CYYR1: variants seen among roughly 807,000 people sequenced by gnomAD.
The protein encoded by CYYR1 is cysteine and tyrosine-rich protein 1.
CYYR1 carries 14 observed loss-of-function variants against 15.2 expected under a neutral mutation model. The observed-to-expected ratio is 0.92, with a 90% CI of 0.61 to 1.44. The LOEUF is 1.44. CYYR1 is among the 40% of genes most tolerant of loss of function. CYYR1 has a pLI of 0.00. For synonymous variants in CYYR1, 80 were observed against 77.4 expected, an observed-to-expected ratio of 1.03 and a Z score of -0.18; for missense variants, 228 against 209.5, an observed-to-expected ratio of 1.09 and a Z score of -0.54.
rs117439088 is a variant in CYYR1, at chr21:26,535,933, G to A, written c.176+30333C>T. Reference sequence around the variant, plus strand: ...AAGAGGTGTATTAGTCTGTTTTCACGTTGATATACAGAACAACCTAAGACT... The same window carrying A: ...AAGAGGTGTATTAGTCTGTTTTCACATTGATATACAGAACAACCTAAGACT... On this transcript the variant is annotated intron_variant, in intron 2 of 3. Coordinates refer to ENST00000652641, the MANE Select transcript of CYYR1 (RefSeq NM_001320768.2). Among the ~76,000 whole-genome samples, 1,309 of 152,248 alleles carry A rather than the reference G, an allele frequency of 8.6e-3. 9 individuals are homozygous for A. The highest frequency in any genetic ancestry group is 0.02 in the Middle Eastern group (6 of 294).
intron 2 of CYYR1, among the ~76,000 whole-genome samples, chr21:26,561,316 T>G (rs1442299843): frequency 1.3e-5 from 2 of 151,404 alleles, no homozygotes; most frequent in East Asian, 3.9e-4. Context: ...TTAAATGGTT[T>G]TTTTTTTTTT....
intron 2 of CYYR1, among the ~76,000 whole-genome samples, chr21:26,525,379 A>T (rs531735281): frequency 1.3e-5 from 2 of 152,206 alleles, no homozygotes; most frequent in Admixed American, 6.5e-5. Context: ...AGCTGACCTC[A>T]GCCCCATAAT....
intron 2 of CYYR1, among the ~76,000 whole-genome samples, chr21:26,498,795 C>T (rs148528729): frequency 1.1e-4 from 17 of 152,140 alleles, no homozygotes; most frequent in African/African-American, 3.6e-4. Context: ...CTTCACATGG[C>T]GGCAGGAGAC....
intron 2 of CYYR1, among the ~76,000 whole-genome samples, chr21:26,487,728 CTCTATT>C (rs1276758712): frequency 6.6e-6 from 1 of 151,978 alleles, no homozygotes; most frequent in Non-Finnish European, 1.5e-5. Context: ...TCAGAACTAT[CTCTATT>C]TCTATTTTTA....
At chr21:26,476,581 CTATCATCTATCT>C (rs2065106526) in intron 3 of CYYR1, among the ~76,000 whole-genome samples, 1 of 127,370 alleles carries the variant, frequency 7.9e-6, no homozygotes, top group African/African-American at 3.7e-5. Context: ...TCTACCCTAT[CTATCATCTATCT>C]ATCTATCTAT....
intron 2 of CYYR1, among the ~76,000 whole-genome samples, chr21:26,555,933 G>A (rs1359336343): frequency 6.6e-6 from 1 of 152,096 alleles, no homozygotes; most frequent in African/African-American, 2.4e-5. Context: ...AGTTGCACAG[G>A]AGCCTGTTGT....
At chr21:26,556,530 A>T (rs2123700867) in intron 2 of CYYR1, among the ~76,000 whole-genome samples, 1 of 152,184 alleles carries the variant, frequency 6.6e-6, no homozygotes, top group Admixed American at 6.5e-5. Context: ...GGCTTAATTG[A>T]CTCATGGTTC....
chr21:26,470,695 T>A (rs972797698), intron 3 of CYYR1: 2 of 152,272 alleles, frequency 1.3e-5, no homozygotes, highest in African/African-American at 4.8e-5. Context: ...GACTCGGGTA[T>A]GTCTTTATAG....
At chr21:26,495,484 G>A (rs535823532) in intron 2 of CYYR1, among the ~76,000 whole-genome samples, 1 of 152,256 alleles carries the variant, frequency 6.6e-6, no homozygotes, top group Admixed American at 6.5e-5. Context: ...TTTACTTCCT[G>A]TCACCTCCAA....
intron 2 of CYYR1, among the ~76,000 whole-genome samples, chr21:26,558,981 A>G (rs1980004532): frequency 6.6e-6 from 1 of 152,160 alleles, no homozygotes; most frequent in Non-Finnish European, 1.5e-5. Context: ...TAGGGAATAT[A>G]TCTTGAAGAG....
intron 1 of CYYR1, 128 bp from the exon 2 acceptor site, chr21:26,566,496 C>T: frequency 2.9e-6 from 2 of 689,816 alleles, no homozygotes; most frequent in South Asian, 1.8e-5. Context: ...CATTTTCGTC[C>T]TCAGAATTCA....
chr21:26,533,284 T>C (rs2065955531), intron 2 of CYYR1, among the ~76,000 whole-genome samples: 1 of 151,128 alleles, frequency 6.6e-6, no homozygotes, highest in African/African-American at 2.4e-5. Flanking sequence ...ATTACAGGAA[T>C]TGGCTTACGG....
chr21:26,536,903 G>A (rs1037927032), intron 2 of CYYR1, among the ~76,000 whole-genome samples: 3 of 152,168 alleles, frequency 2.0e-5, no homozygotes, highest in African/African-American at 7.2e-5. Flanking sequence ...CATTTACTGA[G>A]CACCTACTGT....
At chr21:26,520,624 T>C (rs2065792129) in intron 2 of CYYR1, among the ~76,000 whole-genome samples, 1 of 152,178 alleles carries the variant, frequency 6.6e-6, no homozygotes, top group South Asian at 2.1e-4. Context: ...GAAATGGTAT[T>C]TCTGGTTCTA....
rs187813561 is a variant in CYYR1, at chr21:26,508,957, A to T, written c.177-28528T>A. ...GCCTCAAAATAACACATGATCGAAT[A>T]CACATTATATTGCAACACTCTCCAT... On this transcript the variant is annotated intron_variant, in intron 2 of 3. Coordinates refer to ENST00000652641, the MANE Select transcript of CYYR1 (RefSeq NM_001320768.2). 4.7e-4 allele frequency among the ~76,000 whole-genome samples: 72 copies of T among 152,334 alleles called. 1 individual carries two copies. The highest frequency in any genetic ancestry group is 1.6e-3 in the African/African-American group (66 of 41,568).
At chr21:26,528,685 C>G (rs2065894751) in intron 2 of CYYR1, among the ~76,000 whole-genome samples, 1 of 152,110 alleles carries the variant, frequency 6.6e-6, no homozygotes, top group South Asian at 2.1e-4. Flanking sequence ...AACACAGCAA[C>G]TTTGTAAAGC....
intron 2 of CYYR1, among the ~76,000 whole-genome samples, chr21:26,517,276 C>A (rs1484048757): frequency 6.6e-6 from 1 of 152,032 alleles, no homozygotes. Context: ...CAAGCCTGTC[C>A]TTCTGCAATC....
intron 2 of CYYR1, among the ~76,000 whole-genome samples, chr21:26,487,232 A>G (rs945017131): frequency 6.6e-6 from 1 of 152,066 alleles, no homozygotes; most frequent in Non-Finnish European, 1.5e-5. Context: ...AGTTCTCTGG[A>G]AAAAGTAACC....
At chr21:26,474,048 GTTTT>G (rs35327076) in intron 3 of CYYR1, among the ~76,000 whole-genome samples, 4 of 105,086 alleles carry the variant, frequency 3.8e-5, no homozygotes, top group African/African-American at 6.7e-5. Flanking sequence ...TTTTGTTTTC[GTTTT>G]TTTTTTTTTT....
Sources: gnomAD v4.1 joint callset for allele counts (sites outside exome capture counted in the v4.1 genomes callset) on GRCh38, gnomAD v4.1.1 for gene constraint, MANE v1.5 for transcripts, NCBI Gene and HGNC (gene_info 2026-07-23, HGNC 2026-07-21) for gene names.